The following SOBP variants were observed in gnomAD, a reference collection of about 807,000 sequenced individuals.
The protein encoded by SOBP is sine oculis binding protein homolog.
In SOBP, 4 loss-of-function variants were observed where a neutral mutation model predicts 53.6. That is an observed-to-expected ratio of 0.07 (90% CI 0.04 to 0.17). The LOEUF is 0.17. SOBP is among the 10% of genes least tolerant of loss of function. The probability of loss-of-function intolerance (pLI) is 1.00; values close to 1 mark genes in which losing one functional copy is unlikely to be tolerated. For synonymous variants in SOBP, 584 were observed against 522.6 expected (o/e 1.12, Z -1.60); for missense variants, 1,088 against 1,204.7 (o/e 0.90, Z 1.43).
At chr6:107,654,522 T>C (rs1368805839) in intron 6 of SOBP, among the ~76,000 whole-genome samples, 1 of 152,258 alleles carries the variant, frequency 6.6e-6, no homozygotes, top group Non-Finnish European at 1.5e-5. Context: ...GTTCATGGGC[T>C]TCCTTGTATA....
chr6:107,581,685 G>T (rs1012089639), intron 4 of SOBP, among the ~76,000 whole-genome samples: 1 of 152,196 alleles, frequency 6.6e-6, no homozygotes, highest in African/African-American at 2.4e-5. Flanking sequence ...AACCAGAAAC[G>T]AGATTTCAGA....
chr6:107,624,694 G>A (rs1168476175), intron 5 of SOBP, among the ~76,000 whole-genome samples: 1 of 152,154 alleles, frequency 6.6e-6, no homozygotes, highest in African/African-American at 2.4e-5. Flanking sequence ...GATTGCTATG[G>A]TATGAATCAC....
intron 6 of SOBP, among the ~76,000 whole-genome samples, chr6:107,638,893 T>TTTTTA (rs139878432): frequency 6.6e-6 from 1 of 151,762 alleles, no homozygotes; most frequent in Non-Finnish European, 1.5e-5. Context: ...TATTTTATTA[T>TTTTTA]TTTTATTTTA....
intron 1 of SOBP, among the ~76,000 whole-genome samples, chr6:107,499,939 T>C (rs1394487137): frequency 1.3e-5 from 2 of 152,318 alleles, no homozygotes; most frequent in South Asian, 2.1e-4. Context: ...CACATGTATA[T>C]ATATATGAAA....
At chr6:107,647,467 C>T (rs573138938) in intron 6 of SOBP, among the ~76,000 whole-genome samples, 8 of 152,128 alleles carry the variant, frequency 5.3e-5, no homozygotes, top group Non-Finnish European at 8.8e-5. Context: ...TTAAAATGTC[C>T]GGGAGCTACC....
intron 1 of SOBP, among the ~76,000 whole-genome samples, chr6:107,497,019 C>G (rs188821394): frequency 2.0e-5 from 3 of 152,178 alleles, no homozygotes; most frequent in Non-Finnish European, 4.4e-5. Context: ...AGATTCAATT[C>G]CTGCTTCACT....
chr6:107,654,201 C>G (rs774120892), intron 6 of SOBP, among the ~76,000 whole-genome samples: 1 of 152,166 alleles, frequency 6.6e-6, no homozygotes, highest in African/African-American at 2.4e-5. Context: ...GAGACCATGC[C>G]TTGTGGTGCC....
chr6:107,495,646 A>G (rs1293204591), intron 1 of SOBP, among the ~76,000 whole-genome samples: 2 of 152,208 alleles, frequency 1.3e-5, no homozygotes, highest in African/African-American at 4.8e-5. Context: ...ACAGACTTAT[A>G]GAAACCAAGA....
At position 107,506,325 on chromosome 6, in the gene SOBP, A is replaced by G. The variant is rs148915050; in HGVS notation, c.319A>G (p.Thr107Ala). 2,018 of 1,614,216 alleles carry G rather than the reference A, an allele frequency of 1.3e-3. 15 individuals are homozygous for G. The African/African-American group carries it at 0.024, about 19-fold the overall frequency. ...NISTGYSGLATGNGLSDSPAG... is the reference protein window; with the variant it reads ...NISTGYSGLAAGNGLSDSPAG... ...AAGCACAGGCTATTCAGGGCTTGCC[A>G]CTGGAAATGGACTCAGTGACTCACC... Residue 107 changes from threonine to alanine, a missense_variant, in exon 3 of 7, where the codon ACT (threonine) becomes GCT (alanine). Coordinates refer to ENST00000317357, the MANE Select transcript of SOBP (RefSeq NM_018013.4).
Position 107,635,482 on chromosome 6 carries a change from G to T in SOBP, c.*3+13G>T. 6.2e-7 allele frequency: 1 copy of T among 1,611,618 alleles called. No individual in the cohort carries two copies. The highest frequency in any genetic ancestry group is 8.5e-7 in the Non-Finnish European group (1 of 1,179,968). ...GAATAAGTAAAAGGTTTGTATGTCC[G>T]CCGGGCGCTCCTCCACACCAGCCAG... On this transcript the variant is annotated intron_variant, in intron 6 of 6. Coordinates refer to ENST00000317357, the MANE Select transcript of SOBP (RefSeq NM_018013.4). The surrounding 1 kb of genome is among the most constrained non-coding windows in gnomAD (Gnocchi z 4.5).
chr6:107,620,357 A>G (rs755106571), intron 5 of SOBP, among the ~76,000 whole-genome samples: 1 of 152,096 alleles, frequency 6.6e-6, no homozygotes, highest in Non-Finnish European at 1.5e-5. Flanking sequence ...CTTTATTCCT[A>G]TGACCACTCT....
At position 107,658,305 on chromosome 6, in the gene SOBP, G is replaced by A. The variant is rs976512812; in HGVS notation, c.*102G>A. The A allele has an allele frequency of 5.9e-5, 9 of 152,822 alleles. No homozygotes were observed. Among genetic ancestry groups the A allele is most frequent in the African/African-American group, 2.2e-4 (9 of 41,442 alleles). The allele number at this position is 152,822 out of a possible 1,614,324, so 9.5% of individuals were successfully genotyped here. ...AGCTGGTCAGCTCACCACCCCCTCTGGCTAAAACTCAAGCAAATAAAGCCG... is the reference window on the plus strand; with the variant it reads ...AGCTGGTCAGCTCACCACCCCCTCTAGCTAAAACTCAAGCAAATAAAGCCG... On this transcript the variant is annotated 3_prime_UTR_variant, in exon 7 of 7. Coordinates refer to ENST00000317357, the MANE Select transcript of SOBP (RefSeq NM_018013.4).
chr6:107,513,766 C>T (rs900293623), intron 3 of SOBP, among the ~76,000 whole-genome samples: 2 of 151,428 alleles, frequency 1.3e-5, no homozygotes, highest in African/African-American at 4.8e-5. Flanking sequence ...TCACTGAACC[C>T]TCAGTTTTCC....
chr6:107,605,785 C>T (rs1229216640), intron 5 of SOBP, among the ~76,000 whole-genome samples: 2 of 152,206 alleles, frequency 1.3e-5, no homozygotes, highest in Non-Finnish European at 2.9e-5. Flanking sequence ...GGCCCACCCA[C>T]CGGCAGCGGG....
chr6:107,533,335 A>G (rs1442211899), intron 3 of SOBP, 124 bp from the exon 4 acceptor site: 1 of 752,154 alleles, frequency 1.3e-6, no homozygotes, highest in Non-Finnish European at 2.2e-6. Context: ...AAGAAAAAGC[A>G]CTTCTTCTCC....
Position 107,635,849 on chromosome 6 carries a change from A to G in SOBP, c.*3+380A>G, listed in dbSNP as rs1771018080. On this transcript the variant is annotated intron_variant, in intron 6 of 6. Coordinates refer to ENST00000317357, the MANE Select transcript of SOBP (RefSeq NM_018013.4). The surrounding 1 kb of genome is among the most constrained non-coding windows in gnomAD (Gnocchi z 4.5). ...GGATGGGGGGAGGGAGAAGAGATTA[A>G]CTTGGGACACCTAAATGTGTGATCA... Among the ~76,000 whole-genome samples the G allele has an allele frequency of 6.6e-6, 1 of 152,204 alleles. No individual in the cohort carries two copies. Among genetic ancestry groups the G allele is most frequent in the African/African-American group, 2.4e-5 (1 of 41,450 alleles).
chr6:107,638,872 T>C (rs775709952), intron 6 of SOBP, among the ~76,000 whole-genome samples: 1 of 151,532 alleles, frequency 6.6e-6, no homozygotes, highest in African/African-American at 2.4e-5. Context: ...GCCTTTTTCA[T>C]ACTGTAGTAC....
At chr6:107,497,246 A>G (rs916048878) in intron 1 of SOBP, among the ~76,000 whole-genome samples, 2 of 152,216 alleles carry the variant, frequency 1.3e-5, no homozygotes, top group African/African-American at 2.4e-5. Context: ...CATGCTTTAT[A>G]AATTGTTTGG....
intron 5 of SOBP, among the ~76,000 whole-genome samples, chr6:107,630,750 GTCTCTCTCTC>G (rs60388300): frequency 2.5e-3 from 375 of 147,948 alleles, no homozygotes; most frequent in Middle Eastern, 3.5e-3. Flanking sequence ...CACACACTCT[GTCTCTCTCTC>G]TCTCTCTCTC....
Sources: allele counts gnomAD v4.1 joint callset (sites outside exome capture counted in the v4.1 genomes callset), GRCh38; gene constraint gnomAD v4.1.1; non-coding constraint Gnocchi (gnomAD v3.1); transcripts MANE v1.5; gene names NCBI Gene and HGNC (gene_info 2026-07-23, HGNC 2026-07-21).